GTF2B: variants seen among roughly 807,000 people sequenced by gnomAD.
GTF2B encodes transcription initiation factor IIB.
Under a neutral mutation model 34.6 loss-of-function variants are expected in GTF2B, and 20 were observed. The ratio of observed to expected loss-of-function variants is 0.58; its 90% CI spans 0.41 to 0.84. The LOEUF (loss-of-function observed/expected upper bound fraction) is 0.84. Ranked by LOEUF, GTF2B falls within the 40% of genes least tolerant of loss-of-function variation. GTF2B has a pLI of 0.00. For synonymous variants in GTF2B, 142 were observed against 132.4 expected, an observed-to-expected ratio of 1.07 and a Z score of -0.50; for missense variants, 237 against 393.3, an observed-to-expected ratio of 0.60 and a Z score of 3.36.
At chr1:88,888,888 G>A (rs1041135086) in intron 1 of GTF2B, among the ~76,000 whole-genome samples, 1 of 152,180 alleles carries the variant, frequency 6.6e-6, no homozygotes, top group Non-Finnish European at 1.5e-5. Context: ...TCAAAGGAGG[G>A]GGAATGACTG....
At chr1:88,891,103 T>C (rs1483258895) in intron 1 of GTF2B, among the ~76,000 whole-genome samples, 1 of 91,220 alleles carries the variant, frequency 1.1e-5, no homozygotes, top group Non-Finnish European at 1.9e-5. Flanking sequence ...GTTTGGGCCG[T>C]AGATGAAAAA....
chr1:88,867,344 T>G (rs2100969118), intron 2 of GTF2B, among the ~76,000 whole-genome samples: 1 of 152,372 alleles, frequency 6.6e-6, no homozygotes, highest in South Asian at 2.1e-4. Context: ...AAATTTATCA[T>G]AAACACCAGC....
chr1:88,874,048 C>T (rs1423141332), intron 2 of GTF2B, among the ~76,000 whole-genome samples: 1 of 152,120 alleles, frequency 6.6e-6, no homozygotes, highest in African/African-American at 2.4e-5. Context: ...GGGTACTCTG[C>T]CTCATATTCT....
intron 6 of GTF2B, among the ~76,000 whole-genome samples, chr1:88,856,065 T>C (rs1335476807): frequency 2.0e-5 from 3 of 151,102 alleles, no homozygotes; most frequent in Non-Finnish European, 4.4e-5. Context: ...AGGCCAGGAG[T>C]TCGAGACAAG....
intron 3 of GTF2B, 30 bp downstream of exon 3, chr1:88,863,951 T>A: frequency 6.2e-7 from 1 of 1,607,410 alleles, no homozygotes; most frequent in Non-Finnish European, 8.5e-7. Context: ...CACTCTGCAA[T>A]TGGTATTTCC....
chr1:88,856,273 A>AAAAC (rs1673303905), intron 6 of GTF2B, among the ~76,000 whole-genome samples: 5 of 51,236 alleles, frequency 9.8e-5, no homozygotes, highest in Admixed American at 2.2e-4. Flanking sequence ...TTTCAAAAAC[A>AAAAC]AAAAAAAAAA....
In GTF2B at chr1:88,859,912, T is replaced by G. The variant is rs1251791722; in HGVS notation, c.505A>C (p.Arg169=). 2 of 1,613,676 alleles carry G rather than the reference T, an allele frequency of 1.2e-6. No homozygotes were observed. Among genetic ancestry groups the G allele is most frequent in the African/African-American group, 2.7e-5 (2 of 74,902 alleles). Residue 169 remains arginine, a synonymous_variant, in exon 5 of 7, where the codon AGA becomes CGA. Transcript: ENST00000370500. ...AATGTCCTAGGAACCCCTTCTTGTC[T>G]ACAGGCAATATAGAGACAAGCAGAA... ...IASACLYIAC[R]QEGVPRTFKE...
chr1:88,858,583 CAA>C (rs1358816332), intron 5 of GTF2B: 1 of 152,066 alleles, frequency 6.6e-6, no homozygotes, highest in African/African-American at 2.4e-5. Flanking sequence ...AGAAATTTAA[CAA>C]AAGTTGTTTT....
Position 88,862,090 on chromosome 1 carries a change from T to C in GTF2B, c.259-1804A>G, listed in dbSNP as rs541649997. On this transcript the variant is annotated intron_variant, in intron 3 of 6. Transcript: ENST00000370500. ...TGGAAAAGACTAGCGAAGAAAATGC[T>C]GAAAAAGAGCAATGAGGGAAAACTA... Among the ~76,000 whole-genome samples the C allele has an allele frequency of 2.0e-5, 3 of 152,268 alleles. No homozygotes were observed. In the East Asian group the frequency reaches 5.8e-4, roughly 29 times the overall value.
At chr1:88,883,850 A>C (rs1432743553) in intron 2 of GTF2B, among the ~76,000 whole-genome samples, 1 of 152,124 alleles carries the variant, frequency 6.6e-6, no homozygotes, top group Non-Finnish European at 1.5e-5. Context: ...TGTTCCACTA[A>C]GTCTTCTGCT....
At chr1:88,866,050 C>T (rs1261427663) in intron 2 of GTF2B, among the ~76,000 whole-genome samples, 1 of 151,682 alleles carries the variant, frequency 6.6e-6, no homozygotes, top group African/African-American at 2.4e-5. Context: ...GTATAGTGAT[C>T]ATATAATCTT....
At chr1:88,872,456 A>AT (rs1673717613) in intron 2 of GTF2B, among the ~76,000 whole-genome samples, 1 of 3,270 alleles carries the variant, frequency 3.1e-4, no homozygotes, top group Non-Finnish European at 6.5e-4. Context: ...CCATCTCAAT[A>AT]AAAAAAAAAA....
intron 2 of GTF2B, among the ~76,000 whole-genome samples, chr1:88,881,258 GC>G: frequency 6.6e-6 from 1 of 151,468 alleles, no homozygotes; most frequent in East Asian, 1.9e-4. Context: ...CAGGTTTGTA[GC>G]CCAGAAGCAA....
intron 6 of GTF2B, among the ~76,000 whole-genome samples, chr1:88,855,635 G>T (rs1673286689): frequency 6.6e-6 from 1 of 151,754 alleles, no homozygotes; most frequent in African/African-American, 2.4e-5. Flanking sequence ...TTACACAGGT[G>T]AGCCACCGCG....
chr1:88,884,140 C>A (rs535726583), intron 2 of GTF2B, among the ~76,000 whole-genome samples: 5 of 151,688 alleles, frequency 3.3e-5, no homozygotes, highest in Non-Finnish European at 7.4e-5. Flanking sequence ...CAATTCTCTG[C>A]CTCAGCCTCC....
intron 1 of GTF2B, among the ~76,000 whole-genome samples, chr1:88,890,838 A>G (rs1278328931): frequency 6.6e-6 from 1 of 152,026 alleles, no homozygotes; most frequent in Non-Finnish European, 1.5e-5. Context: ...ACATATAACT[A>G]ATTTTCTTTG....
chr1:88,867,437 C>T (rs1673587115), intron 2 of GTF2B, among the ~76,000 whole-genome samples: 4 of 152,076 alleles, frequency 2.6e-5, no homozygotes, highest in Admixed American at 2.6e-4. Flanking sequence ...GCACTTATGT[C>T]CAAAGACAGA....
chr1:88,864,153 A>G, intron 2 of GTF2B, 39 bp from the exon 3 acceptor site: 1 of 1,607,860 alleles, frequency 6.2e-7, no homozygotes, highest in Non-Finnish European at 8.5e-7. Flanking sequence ...TTTTGTCAAG[A>G]TAGGGTTTAC....
intron 6 of GTF2B, among the ~76,000 whole-genome samples, chr1:88,855,354 TTTTTG>T (rs1387754122): frequency 6.8e-6 from 1 of 147,132 alleles, no homozygotes; most frequent in African/African-American, 2.6e-5. Context: ...TCACTTTCTG[TTTTTG>T]TTTTTTTTTT....
Sources: allele counts gnomAD v4.1 joint callset (sites outside exome capture counted in the v4.1 genomes callset), GRCh38; gene constraint gnomAD v4.1.1; transcripts MANE v1.5; gene names NCBI Gene and HGNC (gene_info 2026-07-23, HGNC 2026-07-21).